PRR16: variants seen among roughly 807,000 people sequenced by gnomAD.
The protein encoded by PRR16 is proline rich 16, also known as protein Largen.
Under a neutral mutation model 18.2 loss-of-function variants are expected in PRR16, and 6 were observed. The ratio of observed to expected loss-of-function variants is 0.33; its 90% CI spans 0.18 to 0.65. The LOEUF (loss-of-function observed/expected upper bound fraction) is 0.65. Ranked by LOEUF, PRR16 falls within the 30% of genes least tolerant of loss-of-function variation. The probability of loss-of-function intolerance (pLI) is 0.74; values close to 1 mark genes in which losing one functional copy is unlikely to be tolerated. For synonymous variants in PRR16, 151 were observed against 147.8 expected, an observed-to-expected ratio of 1.02 and a Z score of -0.16; for missense variants, 412 against 376.6, an observed-to-expected ratio of 1.09 and a Z score of -0.78.
the PRR16 span, among the ~76,000 whole-genome samples, chr5:120,713,017 G>A: frequency 6.6e-6 from 1 of 152,116 alleles, no homozygotes; most frequent in Non-Finnish European, 1.5e-5. Context: ...CTGCACTCCT[G>A]TCTTCATTGC....
At chr5:120,610,210 C>T (rs1754289582) in intron 1 of PRR16, among the ~76,000 whole-genome samples, 1 of 152,072 alleles carries the variant, frequency 6.6e-6, no homozygotes, top group Non-Finnish European at 1.5e-5. Context: ...AAATTAAATA[C>T]TGCCTGAAAA....
chr5:120,585,616 TA>T (rs754413694), intron 1 of PRR16, among the ~76,000 whole-genome samples: 554 of 135,558 alleles, frequency 4.1e-3, no homozygotes, highest in Non-Finnish European at 4.5e-3. Context: ...AGACTTGGTC[TA>T]AAAAAAAAAA....
At chr5:120,487,523 C>T (rs1466133783) in intron 1 of PRR16, among the ~76,000 whole-genome samples, 1 of 152,134 alleles carries the variant, frequency 6.6e-6, no homozygotes, top group African/African-American at 2.4e-5. Context: ...GCTGAAGTTG[C>T]TTATCAGCTT....
chr5:120,758,533 A>AG, the PRR16 span, among the ~76,000 whole-genome samples: 10 of 152,084 alleles, frequency 6.6e-5, no homozygotes, highest in African/African-American at 1.9e-4. Flanking sequence ...CCGCATATTG[A>AG]AGGGGGGATC....
chr5:120,676,784 C>T (rs958945463), intron 1 of PRR16, among the ~76,000 whole-genome samples: 4 of 151,974 alleles, frequency 2.6e-5, no homozygotes, highest in Non-Finnish European at 5.9e-5. Context: ...CAAAGACAGG[C>T]CCAGGAACCC....
At chr5:120,672,881 T>A (rs1192264179) in intron 1 of PRR16, among the ~76,000 whole-genome samples, 1 of 152,136 alleles carries the variant, frequency 6.6e-6, no homozygotes, top group Admixed American at 6.5e-5. Flanking sequence ...CATAATAGAA[T>A]CATTTTGAAG....
At chr5:120,616,695 A>G (rs569266101) in intron 1 of PRR16, among the ~76,000 whole-genome samples, 82 of 152,138 alleles carry the variant, frequency 5.4e-4, no homozygotes, top group Non-Finnish European at 8.1e-4. Flanking sequence ...TAATATGTCT[A>G]TATTAATAAC....
chr5:120,622,054 T>A (rs1202446173), intron 1 of PRR16, among the ~76,000 whole-genome samples: 2 of 152,154 alleles, frequency 1.3e-5, no homozygotes, highest in African/African-American at 4.8e-5. Flanking sequence ...ACTCACACAC[T>A]TAGTCTCTTG....
chr5:120,782,442 CCTGATGGG>C, the PRR16 span, among the ~76,000 whole-genome samples: 3 of 152,266 alleles, frequency 2.0e-5, no homozygotes, highest in East Asian at 5.8e-4. Context: ...AAAAGTGAAG[CCTGATGGG>C]ACAGTGACAC....
At chr5:120,607,144 A>C (rs1028517006) in intron 1 of PRR16, among the ~76,000 whole-genome samples, 3 of 152,202 alleles carry the variant, frequency 2.0e-5, no homozygotes, top group Admixed American at 6.5e-5. Flanking sequence ...TTCCCAATTC[A>C]ATTGTTTCAA....
chr5:120,650,644 C>A (rs1755750082), intron 1 of PRR16, among the ~76,000 whole-genome samples: 1 of 152,076 alleles, frequency 6.6e-6, no homozygotes, highest in South Asian at 2.1e-4. Context: ...CATGTCCCTA[C>A]AAAGGACATG....
the PRR16 span, among the ~76,000 whole-genome samples, chr5:120,705,526 A>G: frequency 6.6e-6 from 1 of 151,960 alleles, no homozygotes; most frequent in Non-Finnish European, 1.5e-5. Flanking sequence ...TATCCAAATG[A>G]TATTTTCTGT....
intron 1 of PRR16, among the ~76,000 whole-genome samples, chr5:120,615,384 C>CTT (rs10717083): frequency 3.3e-5 from 4 of 119,452 alleles, no homozygotes; most frequent in Non-Finnish European, 7.0e-5. Context: ...TCTTTCTTTT[C>CTT]TTTTTTTTTT....
chr5:120,583,407 T>C (rs1380137679), intron 1 of PRR16, among the ~76,000 whole-genome samples: 1 of 152,020 alleles, frequency 6.6e-6, no homozygotes. Context: ...TCTGAGAAAG[T>C]CTAGAAAACC....
At chr5:120,486,328 TA>T (rs1749798684) in intron 1 of PRR16, among the ~76,000 whole-genome samples, 1 of 151,884 alleles carries the variant, frequency 6.6e-6, no homozygotes, top group African/African-American at 2.4e-5. Context: ...CCTGACTTTT[TA>T]ATGATTGCCA....
the PRR16 span, among the ~76,000 whole-genome samples, chr5:120,751,914 T>A: frequency 1.1e-3 from 163 of 152,224 alleles, no homozygotes; most frequent in Admixed American, 3.1e-3. Context: ...CTCAGAATTA[T>A]GTGATATTAA....
chr5:120,627,768 A>G (rs1485583226), intron 1 of PRR16, among the ~76,000 whole-genome samples: 1 of 152,068 alleles, frequency 6.6e-6, no homozygotes, highest in African/African-American at 2.4e-5. Context: ...TTCCCCCAAA[A>G]TATTCTGAAT....
intron 1 of PRR16, among the ~76,000 whole-genome samples, chr5:120,573,430 A>G (rs552214042): frequency 4.6e-5 from 7 of 152,266 alleles, no homozygotes; most frequent in South Asian, 2.1e-4. Flanking sequence ...AGTTCACACC[A>G]TTATCTGTTG....
intron 1 of PRR16, among the ~76,000 whole-genome samples, chr5:120,484,585 A>G (rs1220439015): frequency 5.5e-5 from 8 of 146,114 alleles, no homozygotes; most frequent in African/African-American, 1.7e-4. Flanking sequence ...TCATTTATAT[A>G]TAGTATATAA....
Sources: allele counts gnomAD v4.1 joint callset (sites outside exome capture counted in the v4.1 genomes callset), GRCh38; gene constraint gnomAD v4.1.1; transcripts MANE v1.5; gene names NCBI Gene and HGNC (gene_info 2026-07-23, HGNC 2026-07-21).